Variants in NPNT observed in about 807,000 individuals in gnomAD.
NPNT encodes nephronectin, also known as preosteoblast EGF-like repeat protein with MAM domain.
Under a neutral mutation model 68.6 loss-of-function variants are expected in NPNT, and 45 were observed. The observed-to-expected ratio is 0.66, with a 90% CI of 0.52 to 0.84. NPNT has a LOEUF of 0.84. Ranked by LOEUF, NPNT falls within the 40% of genes least tolerant of loss-of-function variation. The pLI, the probability that NPNT is intolerant of heterozygous loss-of-function variation, is 0.00. For missense variants in NPNT, 672 were observed against 714.8 expected (o/e 0.94, Z 0.68); for synonymous variants, 233 against 253.3 (o/e 0.92, Z 0.76).
At position 105,930,540 on chromosome 4, in the gene NPNT, A is replaced by ATT. The variant is rs1298447608; in HGVS notation, c.265+3112_265+3113insTT. Among the ~76,000 whole-genome samples the ATT allele has an allele frequency of 2.0e-5, 3 of 152,248 alleles. No individual in the cohort carries two copies. In the East Asian group the frequency reaches 5.8e-4, roughly 29 times the overall value. On this transcript the variant is annotated intron_variant, in intron 3 of 11. Transcript: ENST00000379987. ...ACTTAAACTGTTTTCATTCAGGCCC[A>ATT]CACATTTTAATAAAGTAGAAAATAT...
At chr4:105,954,623 C>T (rs984877276) in intron 8 of NPNT, among the ~76,000 whole-genome samples, 7 of 152,142 alleles carry the variant, frequency 4.6e-5, no homozygotes, top group Admixed American at 3.9e-4. Context: ...TCTCCAATTC[C>T]ATTTGATGCC....
intron 2 of NPNT, among the ~76,000 whole-genome samples, chr4:105,901,787 G>A (rs1726443583): frequency 6.6e-6 from 1 of 152,128 alleles, no homozygotes; most frequent in African/African-American, 2.4e-5. Flanking sequence ...GAAAATTTTG[G>A]ATTCTTATCG....
chr4:105,955,882 A>C (rs1035620709), intron 8 of NPNT, among the ~76,000 whole-genome samples: 1 of 152,108 alleles, frequency 6.6e-6, no homozygotes, highest in African/African-American at 2.4e-5. Context: ...TGTGTGAGGA[A>C]GGAAAATTAG....
chr4:105,898,346 C>CTCTCTCTG, intron 2 of NPNT, among the ~76,000 whole-genome samples: 1 of 140,898 alleles, frequency 7.1e-6, no homozygotes, highest in Admixed American at 7.0e-5. Flanking sequence ...CTCTCTCTCT[C>CTCTCTCTG]TCTCTCTCTC....
chr4:105,962,613 AGAATG>A (rs1239751334), intron 10 of NPNT, among the ~76,000 whole-genome samples: 4 of 152,228 alleles, frequency 2.6e-5, no homozygotes, highest in Admixed American at 6.5e-5. Context: ...AGCCTGATTC[AGAATG>A]GAATGTGGAA....
intron 5 of NPNT, 95 bp from the exon 6 acceptor site, chr4:105,939,980 T>C (rs1335677637): frequency 8.4e-6 from 9 of 1,073,802 alleles, no homozygotes; most frequent in African/African-American, 1.6e-5. Context: ...CACTATATGC[T>C]AGGCAACCAT....
At chr4:105,917,414 C>A (rs1727905770) in intron 2 of NPNT, among the ~76,000 whole-genome samples, 1 of 152,160 alleles carries the variant, frequency 6.6e-6, no homozygotes, top group Non-Finnish European at 1.5e-5. Flanking sequence ...ATGCCTTCTT[C>A]TGTATTCTTT....
intron 9 of NPNT, among the ~76,000 whole-genome samples, 175 bp downstream of exon 9, chr4:105,958,732 T>G (rs995486833): frequency 9.9e-5 from 15 of 152,266 alleles, no homozygotes; most frequent in African/African-American, 2.7e-4. Context: ...TGAATCATTT[T>G]CTTTTTTAAA....
At chr4:105,947,546 A>G (rs922236841) in intron 8 of NPNT, among the ~76,000 whole-genome samples, 1 of 152,178 alleles carries the variant, frequency 6.6e-6, no homozygotes. Context: ...ACCTAAATTT[A>G]TGAAACTACA....
chr4:105,920,395 T>TAAAAAAAAAAAAAAAAAAAAAAAAAAAAA (rs11355483), intron 2 of NPNT, among the ~76,000 whole-genome samples: 11 of 79,460 alleles, frequency 1.4e-4, no homozygotes, highest in African/African-American at 4.1e-4. Context: ...GTTACTCTAC[T>TAAAAAAAAAAAAAAAAAAAAAAAAAAAAA]AAAAAAAAAA....
At chr4:105,928,907 T>A (rs1382377116) in intron 3 of NPNT, among the ~76,000 whole-genome samples, 1 of 150,370 alleles carries the variant, frequency 6.7e-6, no homozygotes, top group Non-Finnish European at 1.5e-5. Context: ...AGGTATGTCA[T>A]GTAAACTAAT....
intron 4 of NPNT, among the ~76,000 whole-genome samples, chr4:105,937,453 T>TAAA (rs750526355): frequency 8.3e-6 from 1 of 120,898 alleles, no homozygotes; most frequent in Non-Finnish European, 1.8e-5. Context: ...GATTCCAGGC[T>TAAA]AAAAAAAAAA....
intron 8 of NPNT, among the ~76,000 whole-genome samples, chr4:105,944,415 C>T (rs1177644322): frequency 6.6e-6 from 1 of 152,022 alleles, no homozygotes; most frequent in East Asian, 1.9e-4. Context: ...AGATGATACG[C>T]TAAATATTTT....
chr4:105,950,002 TTCATTATA>T (rs1293845680), intron 8 of NPNT, among the ~76,000 whole-genome samples: 4 of 152,222 alleles, frequency 2.6e-5, no homozygotes, highest in African/African-American at 4.8e-5. Context: ...ATAACAGTAA[TTCATTATA>T]TCATTAATTC....
intron 8 of NPNT, among the ~76,000 whole-genome samples, chr4:105,952,303 G>A (rs1358749356): frequency 6.6e-6 from 1 of 152,182 alleles, no homozygotes; most frequent in Non-Finnish European, 1.5e-5. Flanking sequence ...AATGAAAATA[G>A]AAACTTGCGA....
At chr4:105,967,136 T>C in intron 10 of NPNT, 52 bp from the exon 11 acceptor site, 1 of 1,563,422 alleles carries the variant, frequency 6.4e-7, no homozygotes, top group African/African-American at 1.4e-5. Flanking sequence ...ATGCTGCTTG[T>C]TCTAGAAAGG....
At chr4:105,938,454 C>CA in intron 5 of NPNT, 34 bp downstream of exon 5, 1 of 1,606,736 alleles carries the variant, frequency 6.2e-7, no homozygotes, top group East Asian at 2.2e-5. Context: ...CTGTCAGCAG[C>CA]CTCTGTAGGA....
chr4:105,931,910 A>G (rs1230589172), intron 3 of NPNT, among the ~76,000 whole-genome samples: 1 of 152,186 alleles, frequency 6.6e-6, no homozygotes, highest in Non-Finnish European at 1.5e-5. Flanking sequence ...TTAACTGGCT[A>G]TTAATAACAT....
At chr4:105,914,492 TA>T (rs1560897158) in intron 2 of NPNT, among the ~76,000 whole-genome samples, 4 of 136,208 alleles carry the variant, frequency 2.9e-5, no homozygotes, top group African/African-American at 1.1e-4. Context: ...GAGAGAGAGA[TA>T]ATGGAGAGAG....
Sources: allele counts gnomAD v4.1 joint callset (sites outside exome capture counted in the v4.1 genomes callset), GRCh38; gene constraint gnomAD v4.1.1; transcripts MANE v1.5; gene names NCBI Gene and HGNC (gene_info 2026-07-23, HGNC 2026-07-21).